Variants in WWOX observed in about 807,000 individuals in gnomAD.
WWOX encodes the protein WW domain containing oxidoreductase.
Under a neutral mutation model 46.2 loss-of-function variants are expected in WWOX, and 69 were observed. The ratio of observed to expected loss-of-function variants is 1.49; its 90% CI spans 1.23 to 1.82. The LOEUF is 1.82. Ranked by LOEUF, WWOX falls within the 40% of genes most tolerant of loss-of-function variation. The pLI, the probability that WWOX is intolerant of heterozygous loss-of-function variation, is 0.00. For synonymous variants in WWOX, 359 were observed against 202.6 expected (o/e 1.77, Z -6.56); for missense variants, 919 against 542.6 (o/e 1.69, Z -6.89).
intron 8 of WWOX, among the ~76,000 whole-genome samples, chr16:78,938,578 A>G (rs1442608268): frequency 6.6e-6 from 1 of 152,078 alleles, no homozygotes; most frequent in Non-Finnish European, 1.5e-5. Context: ...TACGGCAAAT[A>G]TTAAGAGTCG....
chr16:78,334,788 C>T (rs114212777), intron 5 of WWOX, among the ~76,000 whole-genome samples: 1,611 of 144,638 alleles, frequency 0.011, 30 homozygotes, highest in African/African-American at 0.039. Context: ...GGAAAGTCTC[C>T]CCTCCACACA....
At chr16:78,564,493 A>G (rs1263356825) in intron 8 of WWOX, among the ~76,000 whole-genome samples, 1 of 152,208 alleles carries the variant, frequency 6.6e-6, no homozygotes, top group Non-Finnish European at 1.5e-5. Flanking sequence ...CCTCACAAGG[A>G]TCAGGTGGCA....
chr16:78,994,963 CTTCTTCTTT>C (rs2046958480), intron 8 of WWOX, among the ~76,000 whole-genome samples: 2 of 98,794 alleles, frequency 2.0e-5, no homozygotes, highest in Admixed American at 1.3e-4. Flanking sequence ...TCTTCTTCTT[CTTCTTCTTT>C]TTTTTTTTTT....
intron 8 of WWOX, among the ~76,000 whole-genome samples, chr16:78,597,490 G>A (rs114639779): frequency 0.024 from 3,594 of 152,204 alleles, 104 homozygotes; most frequent in East Asian, 0.14. Context: ...AGCATTTGTG[G>A]CCGCCCACCC....
chr16:78,834,679 G>A (rs769797569), intron 8 of WWOX, among the ~76,000 whole-genome samples: 7 of 152,122 alleles, frequency 4.6e-5, no homozygotes, highest in Non-Finnish European at 1.0e-4. Flanking sequence ...CTTCTTAACA[G>A]AATAAAGATT....
intron 8 of WWOX, among the ~76,000 whole-genome samples, chr16:78,619,776 G>T (rs1239940460): frequency 6.6e-6 from 1 of 151,998 alleles, no homozygotes. Context: ...AGACATGGGG[G>T]TGCATGTCTG....
chr16:78,809,062 G>A (rs1197856768), intron 8 of WWOX, among the ~76,000 whole-genome samples: 2 of 151,934 alleles, frequency 1.3e-5, no homozygotes, highest in Admixed American at 6.6e-5. Flanking sequence ...AATGAGCTAT[G>A]GGCCCCGAGA....
intron 8 of WWOX, among the ~76,000 whole-genome samples, chr16:78,872,334 G>A (rs889459399): frequency 3.9e-5 from 6 of 152,128 alleles, no homozygotes; most frequent in African/African-American, 1.4e-4. Context: ...GAAAACACTT[G>A]TTGCAGACTG....
At chr16:78,669,254 G>A (rs957114392) in intron 8 of WWOX, among the ~76,000 whole-genome samples, 6 of 152,226 alleles carry the variant, frequency 3.9e-5, no homozygotes, top group African/African-American at 1.4e-4. Flanking sequence ...CCTCACATTT[G>A]CTGTCCCAAG....
At chr16:78,284,105 T>C (rs1221344061) in intron 5 of WWOX, among the ~76,000 whole-genome samples, 3 of 152,082 alleles carry the variant, frequency 2.0e-5, no homozygotes, top group Non-Finnish European at 4.4e-5. Flanking sequence ...GTAGGAGGGG[T>C]TTAGAGATCA....
At chr16:78,114,846 G>C in intron 3 of WWOX, 130 bp from the exon 4 acceptor site, 1 of 1,167,980 alleles carries the variant, frequency 8.6e-7, no homozygotes, top group Non-Finnish European at 1.2e-6. Flanking sequence ...GTGGGCCCCA[G>C]TTCTTTCAGG....
At chr16:78,624,327 C>T (rs374687050) in intron 8 of WWOX, among the ~76,000 whole-genome samples, 2 of 151,804 alleles carry the variant, frequency 1.3e-5, no homozygotes, top group East Asian at 3.9e-4. Context: ...TTCTCTGCCT[C>T]CTTTGCTAAC....
rs568156347 is a variant in WWOX, at chr16:78,936,968, C to A, written c.1057-274640C>A. Reference sequence around the variant, plus strand: ...AGATGCTTTTTAAAGCATATTAATCCATTAGTAATCCATTTGGATTTGGGA... The same window carrying A: ...AGATGCTTTTTAAAGCATATTAATCAATTAGTAATCCATTTGGATTTGGGA... On this transcript the variant is annotated intron_variant, in intron 8 of 8. Transcript: ENST00000566780. 2.6e-4 allele frequency among the ~76,000 whole-genome samples: 40 copies of A among 152,124 alleles called. 1 individual carries two copies. Among genetic ancestry groups the A allele is most frequent in the African/African-American group, 9.4e-4 (39 of 41,496 alleles).
rs117896808 is a variant in WWOX at position 78,743,118 on chromosome 16, A to T, written c.1056+310366A>T. ...ACATCCGTCTCTCTCCTTGGAGGAG[A>T]CACTTGAGTGTCTTTCTCTGTGTGC... On this transcript the variant is annotated intron_variant, in intron 8 of 8. Transcript: ENST00000566780. Among the ~76,000 whole-genome samples, 1,158 of 151,990 alleles carry T rather than the reference A, an allele frequency of 7.6e-3. 61 individuals carry two copies. In the East Asian group the frequency reaches 0.12, roughly 16 times the overall value.
At chr16:78,795,720 G>A (rs1259462123) in intron 8 of WWOX, among the ~76,000 whole-genome samples, 1 of 152,134 alleles carries the variant, frequency 6.6e-6, no homozygotes, top group Non-Finnish European at 1.5e-5. Context: ...TAGTGGGCAA[G>A]TCTCATATTT....
chr16:78,457,203 C>G (rs1162796054), intron 8 of WWOX, among the ~76,000 whole-genome samples: 1 of 152,256 alleles, frequency 6.6e-6, no homozygotes, highest in African/African-American at 2.4e-5. Flanking sequence ...TTTCAGGAAC[C>G]TTCCTGGGAT....
At chr16:78,389,225 A>G (rs186559087) in intron 6 of WWOX, among the ~76,000 whole-genome samples, 119 of 152,354 alleles carry the variant, frequency 7.8e-4, no homozygotes, top group South Asian at 1.7e-3. Context: ...AGGCACCTCA[A>G]CAGGCTGCAA....
intron 8 of WWOX, among the ~76,000 whole-genome samples, chr16:79,099,259 G>A (rs748502426): frequency 1.3e-5 from 2 of 152,160 alleles, no homozygotes; most frequent in Non-Finnish European, 2.9e-5. Context: ...TCACACAAGA[G>A]ATCAAATGTC....
intron 5 of WWOX, among the ~76,000 whole-genome samples, chr16:78,381,554 A>G (rs1013948619): frequency 9.8e-5 from 2 of 20,512 alleles, no homozygotes; most frequent in South Asian, 1.2e-3. Context: ...TTTTAAAATG[A>G]TGGGTAGGTA....
Sources: gnomAD v4.1 joint callset for allele counts (sites outside exome capture counted in the v4.1 genomes callset) on GRCh38, gnomAD v4.1.1 for gene constraint, MANE v1.5 for transcripts, NCBI Gene and HGNC (gene_info 2026-07-23, HGNC 2026-07-21) for gene names.